USP34: variants seen among roughly 807,000 people sequenced by gnomAD.
The protein encoded by USP34 is ubiquitin specific peptidase 34.
USP34 carries 70 observed loss-of-function variants against 460.3 expected under a neutral mutation model. The observed-to-expected ratio is 0.15, with a 90% CI of 0.13 to 0.19. USP34 has a LOEUF of 0.19. Ranked by LOEUF, USP34 falls within the 10% of genes least tolerant of loss-of-function variation. The pLI is 1.00. For synonymous variants in USP34, 1,647 were observed against 1,405.3 expected, an observed-to-expected ratio of 1.17 and a Z score of -3.85; for missense variants, 3,985 against 4,236.2, an observed-to-expected ratio of 0.94 and a Z score of 1.65.
At chr2:61,449,878 C>T (rs1695220325) in intron 1 of USP34, among the ~76,000 whole-genome samples, 1 of 151,922 alleles carries the variant, frequency 6.6e-6, no homozygotes, top group African/African-American at 2.4e-5. Flanking sequence ...CCAGCCTGGC[C>T]AATATGGTGA....
intron 12 of USP34, 146 bp from the exon 13 acceptor site, chr2:61,349,431 T>C: frequency 1.4e-6 from 1 of 717,866 alleles, no homozygotes; most frequent in Non-Finnish European, 2.2e-6. Flanking sequence ...CCTACAGTAG[T>C]TGTTGGGGGT....
chr2:61,224,842 C>A (rs1299221119), intron 62 of USP34, among the ~76,000 whole-genome samples: 1 of 152,168 alleles, frequency 6.6e-6, no homozygotes, highest in African/African-American at 2.4e-5. Flanking sequence ...TAGAAACCTC[C>A]GTAAGTTGGC....
At chr2:61,430,214 C>CAAAAA (rs1232126412) in intron 1 of USP34, among the ~76,000 whole-genome samples, 1 of 78,090 alleles carries the variant, frequency 1.3e-5, no homozygotes, top group African/African-American at 5.5e-5. Flanking sequence ...GTCTTCGTCA[C>CAAAAA]AAAAAAAAAA....
chr2:61,311,753 A>G (rs1690600911), intron 26 of USP34, 31 bp downstream of exon 26: 1 of 1,610,612 alleles, frequency 6.2e-7, no homozygotes, highest in African/African-American at 1.3e-5. Flanking sequence ...GGGAAATGTT[A>G]TCAACTTCGA....
At chr2:61,199,145 T>A (rs894700074) in intron 75 of USP34, among the ~76,000 whole-genome samples, 2 of 152,208 alleles carry the variant, frequency 1.3e-5, no homozygotes, top group Non-Finnish European at 2.9e-5. Flanking sequence ...ACTTTCAACT[T>A]CTTATTGTTT....
chr2:61,231,677 G>A (rs1008673694), intron 58 of USP34, among the ~76,000 whole-genome samples: 4 of 151,842 alleles, frequency 2.6e-5, no homozygotes, highest in African/African-American at 4.8e-5. Flanking sequence ...AAGTACCACC[G>A]CACTACAGCC....
In USP34 at chr2:61,386,981, A is replaced by G. The variant is rs79732770; in HGVS notation, c.754-3645T>C. 5.9e-5 allele frequency among the ~76,000 whole-genome samples: 9 copies of G among 152,336 alleles called. No homozygotes were observed. In the East Asian group the frequency reaches 1.2e-3, roughly 20 times the overall value. On this transcript the variant is annotated intron_variant, in intron 5 of 79. Coordinates refer to ENST00000398571, the MANE Select transcript of USP34 (RefSeq NM_014709.4). ...AGAGTGGAAGATATTGGCAATACAT[A>G]TATCAAACAAAACACTTCTACCTAA...
chr2:61,408,169 A>G (rs764530366), intron 2 of USP34, among the ~76,000 whole-genome samples: 2 of 152,108 alleles, frequency 1.3e-5, no homozygotes, highest in Non-Finnish European at 2.9e-5. Flanking sequence ...GTCACTATCT[A>G]AAGCAAGCCA....
chr2:61,424,471 G>A (rs1293924983), intron 1 of USP34, among the ~76,000 whole-genome samples: 2 of 152,190 alleles, frequency 1.3e-5, no homozygotes, highest in Non-Finnish European at 2.9e-5. Flanking sequence ...AGAAACAAAG[G>A]AGAAGGGTGG....
intron 6 of USP34, 54 bp from the exon 7 acceptor site, chr2:61,380,415 G>C: frequency 6.5e-7 from 1 of 1,531,056 alleles, no homozygotes. Flanking sequence ...CATTTTTAAA[G>C]ACCACTCAGT....
intron 15 of USP34, among the ~76,000 whole-genome samples, chr2:61,347,668 A>G (rs1044049403): frequency 2.0e-5 from 3 of 152,112 alleles, no homozygotes; most frequent in Admixed American, 1.3e-4. Context: ...GCCACTGTGC[A>G]TGGCCAACAA....
intron 5 of USP34, among the ~76,000 whole-genome samples, chr2:61,392,763 C>G (rs1325949691): frequency 6.6e-6 from 1 of 152,180 alleles, no homozygotes; most frequent in Non-Finnish European, 1.5e-5. Context: ...ACAGTTTAAT[C>G]CAGGTTTATG....
At chr2:61,212,333 A>T (rs917811245) in intron 68 of USP34, among the ~76,000 whole-genome samples, 2 of 152,238 alleles carry the variant, frequency 1.3e-5, no homozygotes, top group African/African-American at 4.8e-5. Flanking sequence ...TTACTGCTTA[A>T]AGCACTACTT....
intron 1 of USP34, among the ~76,000 whole-genome samples, chr2:61,453,370 C>T (rs1245131415): frequency 6.6e-6 from 1 of 151,714 alleles, no homozygotes; most frequent in African/African-American, 2.4e-5. Flanking sequence ...GCCATGGTCA[C>T]GCCACTGTAC....
chr2:61,226,571 G>A (rs748513929), intron 62 of USP34, among the ~76,000 whole-genome samples: 1 of 152,034 alleles, frequency 6.6e-6, no homozygotes, highest in Non-Finnish European at 1.5e-5. Flanking sequence ...CTCTGTGGTA[G>A]TACAGATAAA....
intron 53 of USP34, among the ~76,000 whole-genome samples, chr2:61,241,182 T>C (rs1572863410): frequency 6.6e-6 from 1 of 152,102 alleles, no homozygotes; most frequent in Non-Finnish European, 1.5e-5. Context: ...CAGCTGGGAT[T>C]ACAGGCGCCC....
Position 61,188,980 on chromosome 2 carries a change from G to A in USP34, c.9963C>T (p.Ser3321=). 1 of 1,614,168 alleles carries A rather than the reference G, an allele frequency of 6.2e-7. No homozygotes were observed. Among genetic ancestry groups the A allele is most frequent in the Non-Finnish European group, 8.5e-7 (1 of 1,180,030 alleles). The change falls in exon 79 of 80, where the codon AGC becomes AGT. Residue 3321 remains serine (S), a synonymous_variant. Coordinates refer to ENST00000398571, the MANE Select transcript of USP34 (RefSeq NM_014709.4). ...TCTGTTGCAGACAAGTCCTGCATTTGCTTAAAAGCTCTTGCAGAGTTGGAA... is the reference window on the plus strand; with the variant it reads ...TCTGTTGCAGACAAGTCCTGCATTTACTTAAAAGCTCTTGCAGAGTTGGAA... ...ALIPTLQELL[S]KCRTCLQQRN... is the part of the protein sequence containing the mutation.
At chr2:61,454,191 C>G (rs1161776540) in intron 1 of USP34, among the ~76,000 whole-genome samples, 1 of 151,970 alleles carries the variant, frequency 6.6e-6, no homozygotes, top group African/African-American at 2.4e-5. Flanking sequence ...GGGGTGTGAT[C>G]TCAGCTACCT....
chr2:61,204,176 C>G, intron 74 of USP34, 80 bp downstream of exon 74: 1 of 1,584,966 alleles, frequency 6.3e-7, no homozygotes. Context: ...TTAAGTCTAA[C>G]CTATTCATAA....
Sources: gnomAD v4.1 joint callset for allele counts (sites outside exome capture counted in the v4.1 genomes callset) on GRCh38, gnomAD v4.1.1 for gene constraint, MANE v1.5 for transcripts, NCBI Gene and HGNC (gene_info 2026-07-23, HGNC 2026-07-21) for gene names.